The following PELI2 variants were observed in gnomAD, a reference collection of about 807,000 sequenced individuals.
PELI2 encodes pellino E3 ubiquitin protein ligase family member 2.
A neutral mutation model predicts 42.3 loss-of-function variants in PELI2; 23 were observed. The observed-to-expected ratio is 0.54, with a 90% CI of 0.39 to 0.77. The LOEUF (loss-of-function observed/expected upper bound fraction) is 0.77, where lower values mean the gene tolerates loss of function less well. PELI2 is among the 30% of genes least tolerant of loss of function. PELI2 has a pLI of 0.00. For synonymous variants in PELI2, 245 were observed against 212.2 expected, an observed-to-expected ratio of 1.15 and a Z score of -1.34; for missense variants, 463 against 553.2, an observed-to-expected ratio of 0.84 and a Z score of 1.64.
intron 2 of PELI2, among the ~76,000 whole-genome samples, chr14:56,279,005 A>G (rs566889951): frequency 2.0e-5 from 3 of 152,322 alleles, no homozygotes; most frequent in African/African-American, 7.2e-5. Context: ...GAATGATATC[A>G]TATTATTCCT....
chr14:56,222,840 G>A (rs1887195057), intron 2 of PELI2, among the ~76,000 whole-genome samples: 1 of 152,206 alleles, frequency 6.6e-6, no homozygotes, highest in African/African-American at 2.4e-5. Flanking sequence ...TGCACAGCCT[G>A]GCCTAACTAC....
At chr14:56,207,116 G>A (rs1451440134) in intron 2 of PELI2, among the ~76,000 whole-genome samples, 2 of 152,050 alleles carry the variant, frequency 1.3e-5, no homozygotes, top group African/African-American at 4.8e-5. Context: ...TTCATGAATG[G>A]TATCTTTTCT....
intron 1 of PELI2, among the ~76,000 whole-genome samples, chr14:56,142,100 C>T (rs899098904): frequency 6.6e-6 from 1 of 152,188 alleles, no homozygotes; most frequent in African/African-American, 2.4e-5. Flanking sequence ...GGGCTCATAA[C>T]TTCAGATAGC....
At chr14:56,234,860 T>C (rs1243017995) in intron 2 of PELI2, among the ~76,000 whole-genome samples, 1 of 152,140 alleles carries the variant, frequency 6.6e-6, no homozygotes, top group Non-Finnish European at 1.5e-5. Context: ...ATGGAGTTGG[T>C]TCCACTTGTG....
intron 1 of PELI2, among the ~76,000 whole-genome samples, chr14:56,155,117 G>C (rs560798557): frequency 2.6e-5 from 4 of 152,214 alleles, no homozygotes; most frequent in African/African-American, 9.6e-5. Flanking sequence ...GTTTATTAAA[G>C]ACACGAGGCT....
intron 2 of PELI2, among the ~76,000 whole-genome samples, chr14:56,260,981 C>T (rs781021789): frequency 2.0e-5 from 3 of 151,510 alleles, no homozygotes; most frequent in African/African-American, 7.3e-5. Context: ...GGTGAGGTAC[C>T]GTGAGGCTGT....
intron 2 of PELI2, among the ~76,000 whole-genome samples, chr14:56,233,640 A>C (rs2139776608): frequency 6.6e-6 from 1 of 152,216 alleles, no homozygotes; most frequent in East Asian, 1.9e-4. Flanking sequence ...AAGACCTAAA[A>C]CCATAAAAAC....
chr14:56,124,612 G>A (rs1357091472), intron 1 of PELI2, among the ~76,000 whole-genome samples: 1 of 152,140 alleles, frequency 6.6e-6, no homozygotes, highest in Non-Finnish European at 1.5e-5. Flanking sequence ...AGATGCTGTG[G>A]ATTGCACTAA....
At chr14:56,217,900 C>G (rs1426822866) in intron 2 of PELI2, among the ~76,000 whole-genome samples, 1 of 152,186 alleles carries the variant, frequency 6.6e-6, no homozygotes, top group African/African-American at 2.4e-5. Context: ...CTTGCTCAGC[C>G]AGCTAATACA....
intron 2 of PELI2, among the ~76,000 whole-genome samples, chr14:56,244,318 C>A (rs935262283): frequency 6.6e-6 from 1 of 152,126 alleles, no homozygotes; most frequent in African/African-American, 2.4e-5. Flanking sequence ...GACGTAATAT[C>A]AGGGGTATGC....
intron 1 of PELI2, among the ~76,000 whole-genome samples, chr14:56,156,632 T>C (rs558373868): frequency 1.5e-4 from 23 of 152,368 alleles, no homozygotes; most frequent in African/African-American, 5.5e-4. Flanking sequence ...TTGGAAGTAT[T>C]ACATGTCTTA....
At chr14:56,279,875 G>C (rs1889418807) in intron 3 of PELI2, 98 bp downstream of exon 3, 1 of 525,872 alleles carries the variant, frequency 1.9e-6, no homozygotes, top group Non-Finnish European at 3.4e-6. Flanking sequence ...ATGTCCAGGG[G>C]GAAAGAGTTG....
chr14:56,204,802 A>G (rs1201196879), intron 2 of PELI2, among the ~76,000 whole-genome samples: 1 of 152,088 alleles, frequency 6.6e-6, no homozygotes, highest in Non-Finnish European at 1.5e-5. Context: ...TGAGACGCCA[A>G]GGTGGGTGGA....
intron 1 of PELI2, among the ~76,000 whole-genome samples, chr14:56,125,434 C>T (rs1029075099): frequency 9.9e-5 from 15 of 151,512 alleles, no homozygotes; most frequent in Non-Finnish European, 1.5e-4. Flanking sequence ...GGTGAATTGG[C>T]AGGGTGAAAT....
intron 2 of PELI2, among the ~76,000 whole-genome samples, chr14:56,266,551 T>C (rs566667612): frequency 1.4e-4 from 21 of 152,120 alleles, no homozygotes; most frequent in Non-Finnish European, 2.5e-4. Flanking sequence ...TTTTCACATA[T>C]CAGAAGGTAA....
chr14:56,272,508 A>G (rs1047885693), intron 2 of PELI2, among the ~76,000 whole-genome samples: 2 of 152,162 alleles, frequency 1.3e-5, no homozygotes, highest in Non-Finnish European at 2.9e-5. Flanking sequence ...ATAGTTTCTA[A>G]CATACATGGT....
chr14:56,213,721 A>T lies in PELI2; in HGVS notation c.207+35257A>T, dbSNP rs576809266. On this transcript the variant is annotated intron_variant, in intron 2 of 5. Coordinates refer to ENST00000267460, the MANE Select transcript of PELI2 (RefSeq NM_021255.3). ...AGCAAGAGAGGGGCTCAGAGTGAGCAATATTGGTGAGGGGTAGGAAGATGC... is the reference window on the plus strand; with the variant it reads ...AGCAAGAGAGGGGCTCAGAGTGAGCTATATTGGTGAGGGGTAGGAAGATGC... Among the ~76,000 whole-genome samples the T allele has an allele frequency of 2.0e-5, 3 of 152,328 alleles. No homozygotes were observed. In the South Asian group the frequency reaches 6.2e-4, roughly 32 times the overall value.
At chr14:56,127,386 T>C (rs1396486811) in intron 1 of PELI2, among the ~76,000 whole-genome samples, 1 of 152,208 alleles carries the variant, frequency 6.6e-6, no homozygotes, top group African/African-American at 2.4e-5. Flanking sequence ...ACCAGAAGAA[T>C]GTTTTAACAC....
chr14:56,131,359 A>G (rs1048997081), intron 1 of PELI2, among the ~76,000 whole-genome samples: 1 of 152,224 alleles, frequency 6.6e-6, no homozygotes, highest in Admixed American at 6.5e-5. Context: ...TTTTGGTTAC[A>G]TAGGTGGTGA....
Sources: gnomAD v4.1 joint callset for allele counts (sites outside exome capture counted in the v4.1 genomes callset) on GRCh38, gnomAD v4.1.1 for gene constraint, MANE v1.5 for transcripts, NCBI Gene and HGNC (gene_info 2026-07-23, HGNC 2026-07-21) for gene names.